KIFAP3: variants seen among roughly 807,000 people sequenced by gnomAD.
The protein encoded by KIFAP3 is kinesin-associated protein 3.
KIFAP3 carries 68 observed loss-of-function variants against 106.5 expected under a neutral mutation model. The ratio of observed to expected loss-of-function variants is 0.64; its 90% confidence interval spans 0.53 to 0.78. The LOEUF (loss-of-function observed/expected upper bound fraction) is 0.78, where lower values mean the gene tolerates loss of function less well. Among genes scored for constraint, KIFAP3 ranks in the 30% least tolerant of loss-of-function variants. KIFAP3 has a pLI of 0.00. For synonymous variants in KIFAP3, 320 were observed against 311.5 expected (o/e 1.03, Z -0.29); for missense variants, 780 against 941.8 (o/e 0.83, Z 2.25).
intron 11 of KIFAP3, among the ~76,000 whole-genome samples, chr1:169,988,242 T>C (rs1468223660): frequency 6.6e-6 from 1 of 152,056 alleles, no homozygotes; most frequent in African/African-American, 2.4e-5. Flanking sequence ...TGATAGGCAG[T>C]ACTTAAAATG....
intron 1 of KIFAP3, among the ~76,000 whole-genome samples, chr1:170,070,371 G>A (rs927818142): frequency 6.6e-6 from 1 of 152,094 alleles, no homozygotes; most frequent in Non-Finnish European, 1.5e-5. Context: ...AACAAAGTTG[G>A]AGGACTCACA....
chr1:169,928,633 G>A (rs946612430), intron 19 of KIFAP3, among the ~76,000 whole-genome samples: 1 of 132,412 alleles, frequency 7.6e-6, no homozygotes, highest in Non-Finnish European at 1.5e-5. Flanking sequence ...GGAGGTTGAG[G>A]CTGCAGTGAG....
chr1:170,055,206 C>T, intron 2 of KIFAP3, 99 bp downstream of exon 2: 2 of 996,664 alleles, frequency 2.0e-6, no homozygotes, highest in African/African-American at 1.7e-5. Flanking sequence ...TGGAAGAATG[C>T]CATAATTAAT....
At chr1:170,003,807 G>C (rs146802467) in intron 10 of KIFAP3, among the ~76,000 whole-genome samples, 2 of 152,152 alleles carry the variant, frequency 1.3e-5, no homozygotes, top group African/African-American at 2.4e-5. Flanking sequence ...CACAAGACAG[G>C]GATGCCCTCT....
chr1:170,012,794 C>CG (rs1668306584), intron 10 of KIFAP3, among the ~76,000 whole-genome samples: 1 of 151,978 alleles, frequency 6.6e-6, no homozygotes, highest in Non-Finnish European at 1.5e-5. Flanking sequence ...CAATCATGAC[C>CG]GAAGGCAAAT....
At chr1:169,981,889 T>A (rs1057322281) in intron 15 of KIFAP3, 83 bp downstream of exon 15, 38 of 1,155,072 alleles carry the variant, frequency 3.3e-5, no homozygotes, top group Non-Finnish European at 4.6e-5. Context: ...AAAAACAGAT[T>A]ACAGACTCTG....
intron 2 of KIFAP3, among the ~76,000 whole-genome samples, chr1:170,048,110 T>G (rs759246859): frequency 6.6e-6 from 1 of 152,194 alleles, no homozygotes; most frequent in Non-Finnish European, 1.5e-5. Flanking sequence ...CCCGAAACCA[T>G]TCCAGCAGAA....
chr1:170,073,958 T>C (rs887992606), intron 1 of KIFAP3, among the ~76,000 whole-genome samples: 1 of 152,182 alleles, frequency 6.6e-6, no homozygotes, highest in Non-Finnish European at 1.5e-5. Context: ...AACATCTCAA[T>C]TCAGCCTTCC....
intron 19 of KIFAP3, among the ~76,000 whole-genome samples, chr1:169,933,051 A>G (rs1253909082): frequency 6.6e-6 from 1 of 152,046 alleles, no homozygotes; most frequent in South Asian, 2.1e-4. Context: ...AAACATATAG[A>G]TAATAGAAAT....
At chr1:169,994,705 T>C (rs1164854984) in intron 10 of KIFAP3, among the ~76,000 whole-genome samples, 1 of 151,986 alleles carries the variant, frequency 6.6e-6, no homozygotes, top group Non-Finnish European at 1.5e-5. Context: ...AATATTTATT[T>C]ATTTCATCTA....
intron 1 of KIFAP3, among the ~76,000 whole-genome samples, chr1:170,055,782 T>G (rs917164165): frequency 6.6e-6 from 1 of 152,068 alleles, no homozygotes; most frequent in African/African-American, 2.4e-5. Flanking sequence ...GAGAATGACC[T>G]CAACTAAAAG....
chr1:170,022,899 A>C (rs969527509), intron 9 of KIFAP3, among the ~76,000 whole-genome samples: 2 of 152,144 alleles, frequency 1.3e-5, no homozygotes, highest in East Asian at 3.8e-4. Flanking sequence ...TGTATTAGTT[A>C]AATCTAACTC....
chr1:170,013,103 G>A (rs1011804690), intron 10 of KIFAP3, among the ~76,000 whole-genome samples: 4 of 152,094 alleles, frequency 2.6e-5, no homozygotes, highest in Admixed American at 6.6e-5. Context: ...GAAGACAGCT[G>A]TCTATGAACC....
intron 10 of KIFAP3, among the ~76,000 whole-genome samples, chr1:169,993,106 CTT>C (rs202163966): frequency 9.2e-5 from 12 of 130,690 alleles, no homozygotes; most frequent in Admixed American, 1.6e-4. Flanking sequence ...CTTTTCTGTC[CTT>C]TTTTTTTTTT....
chr1:170,023,517 A>T (rs151109639), intron 9 of KIFAP3, among the ~76,000 whole-genome samples: 28 of 152,234 alleles, frequency 1.8e-4, no homozygotes, highest in Non-Finnish European at 3.1e-4. Flanking sequence ...TTTATAGGAA[A>T]CTGCTCCAAG....
At chr1:170,070,027 T>C (rs547507338) in intron 1 of KIFAP3, among the ~76,000 whole-genome samples, 55 of 152,084 alleles carry the variant, frequency 3.6e-4, no homozygotes, top group Admixed American at 1.0e-3. Flanking sequence ...ATATTGGAGC[T>C]GAAAAATATG....
At chr1:169,988,986 C>A (rs944339336) in intron 11 of KIFAP3, among the ~76,000 whole-genome samples, 1 of 151,804 alleles carries the variant, frequency 6.6e-6, no homozygotes, top group Non-Finnish European at 1.5e-5. Flanking sequence ...CATCAAAAAT[C>A]CTTGACCTCC....
At chr1:169,942,919 C>CA (rs1553273138) in intron 19 of KIFAP3, among the ~76,000 whole-genome samples, 4 of 110,584 alleles carry the variant, frequency 3.6e-5, no homozygotes, top group South Asian at 3.6e-4. Flanking sequence ...CGCCCCCCCC[C>CA]ACCCCTTTAA....
rs1460765481 is a variant in KIFAP3, at chr1:169,982,777, T to C, written c.1597A>G (p.Ile533Val). 6.2e-7 allele frequency: 1 copy of C among 1,609,680 alleles called. No individual in the cohort carries two copies. Residue 533 changes from isoleucine (I) to valine (V), a missense_variant, in exon 14 of 20, where the codon ATT (isoleucine) becomes GTT (valine). Coordinates refer to ENST00000361580, the MANE Select transcript of KIFAP3 (RefSeq NM_014970.4). The stretch of plus-strand genomic sequence containing the variant: ...ACCAATTCCCAGTCTAAGTCTGGAA[T>C]GGTCAAGTTTGCAAGAGTTCCCAAA... ...ECLGTLANLT[I>V]PDLDWELVLK...
Sources: allele counts gnomAD v4.1 joint callset (sites outside exome capture counted in the v4.1 genomes callset), GRCh38; gene constraint gnomAD v4.1.1; transcripts MANE v1.5; gene names NCBI Gene and HGNC (gene_info 2026-07-23, HGNC 2026-07-21).